The following MACROD2 variants were observed in gnomAD, a reference collection of about 807,000 sequenced individuals.
The protein encoded by MACROD2 is ADP-ribose glycohydrolase MACROD2.
Under a neutral mutation model 70.4 loss-of-function variants are expected in MACROD2, and 36 were observed. The observed-to-expected ratio is 0.51, with a 90% CI of 0.39 to 0.68. The LOEUF (loss-of-function observed/expected upper bound fraction) is 0.68. Ranked by LOEUF, MACROD2 falls within the 30% of genes least tolerant of loss-of-function variation. MACROD2 has a pLI of 0.00. For synonymous variants in MACROD2, 172 were observed against 178.8 expected (o/e 0.96, Z 0.30); for missense variants, 496 against 538.4 (o/e 0.92, Z 0.78).
At chr20:15,031,661 GT>G (rs1385874142) in intron 5 of MACROD2, among the ~76,000 whole-genome samples, 3 of 152,172 alleles carry the variant, frequency 2.0e-5, no homozygotes, top group Non-Finnish European at 4.4e-5. Flanking sequence ...GCAGCTGTTA[GT>G]ACCGTCTGTG....
chr20:14,825,866 AATGGGGATGCCT>A (rs1238242701), intron 5 of MACROD2, among the ~76,000 whole-genome samples: 1 of 152,182 alleles, frequency 6.6e-6, no homozygotes, highest in Admixed American at 6.5e-5. Flanking sequence ...TAGGTTTTCG[AATGGGGATGCCT>A]ATGCACAAAA....
At chr20:14,531,841 G>A (rs1312037320) in intron 4 of MACROD2, among the ~76,000 whole-genome samples, 1 of 152,104 alleles carries the variant, frequency 6.6e-6, no homozygotes, top group East Asian at 1.9e-4. Flanking sequence ...GAAGGTTGAG[G>A]AGCTTCCTCA....
chr20:15,717,624 G>A (rs1270353648), intron 8 of MACROD2, among the ~76,000 whole-genome samples: 2 of 152,184 alleles, frequency 1.3e-5, no homozygotes, highest in East Asian at 3.8e-4. Context: ...CATGAGGAGT[G>A]CCTGCCAGGA....
At chr20:15,621,163 G>A (rs1232141302) in intron 8 of MACROD2, among the ~76,000 whole-genome samples, 5 of 152,160 alleles carry the variant, frequency 3.3e-5, no homozygotes, top group African/African-American at 7.2e-5. Context: ...CTGCATTCAC[G>A]TGATTGGGGT....
At chr20:15,966,841 T>C (rs565298516) in intron 12 of MACROD2, among the ~76,000 whole-genome samples, 1 of 152,210 alleles carries the variant, frequency 6.6e-6, no homozygotes, top group Non-Finnish European at 1.5e-5. Flanking sequence ...ATCATTCCAG[T>C]ACTTTTTAAA....
intron 8 of MACROD2, among the ~76,000 whole-genome samples, chr20:15,808,385 G>A (rs1568572645): frequency 1.3e-5 from 2 of 152,016 alleles, no homozygotes; most frequent in Non-Finnish European, 2.9e-5. Flanking sequence ...ATAAAATGAT[G>A]CCCATAAACC....
intron 15 of MACROD2, among the ~76,000 whole-genome samples, chr20:16,019,401 G>C (rs565937676): frequency 1.2e-4 from 18 of 152,264 alleles, no homozygotes; most frequent in Admixed American, 1.0e-3. Context: ...ATGGGGGTGG[G>C]TTGGATGTTG....
intron 10 of MACROD2, among the ~76,000 whole-genome samples, chr20:15,898,311 A>C (rs1015445714): frequency 1.3e-5 from 2 of 152,116 alleles, no homozygotes; most frequent in African/African-American, 4.8e-5. Flanking sequence ...GCACTTTGGG[A>C]GCCCGAGGCG....
chr20:14,296,404 C>T (rs1264191801), intron 3 of MACROD2, among the ~76,000 whole-genome samples: 1 of 151,872 alleles, frequency 6.6e-6, no homozygotes, highest in Admixed American at 6.6e-5. Flanking sequence ...ACCCAAGTGT[C>T]CATCAGCAAC....
chr20:14,570,844 G>A (rs1388540751), intron 4 of MACROD2, among the ~76,000 whole-genome samples: 2 of 151,902 alleles, frequency 1.3e-5, no homozygotes, highest in Non-Finnish European at 2.9e-5. Flanking sequence ...TTAGAATAAT[G>A]GTCAGTTCAA....
chr20:14,222,564 A>G (rs2081685720), intron 3 of MACROD2, among the ~76,000 whole-genome samples: 1 of 152,032 alleles, frequency 6.6e-6, no homozygotes, highest in Admixed American at 6.6e-5. Flanking sequence ...TACCCTAAAA[A>G]CCCTGATTTC....
At chr20:16,049,475 G>A (rs1055617812) in intron 17 of MACROD2, among the ~76,000 whole-genome samples, 3 of 152,150 alleles carry the variant, frequency 2.0e-5, no homozygotes, top group Admixed American at 1.3e-4. Context: ...TTATTTATAT[G>A]CTGATCCCTG....
At chr20:14,910,136 G>A (rs528555523) in intron 5 of MACROD2, among the ~76,000 whole-genome samples, 5 of 152,164 alleles carry the variant, frequency 3.3e-5, no homozygotes, top group Non-Finnish European at 5.9e-5. Context: ...AATTCATTTA[G>A]TCTACTTCAT....
chr20:15,956,208 A>C (rs972551575), intron 12 of MACROD2, among the ~76,000 whole-genome samples: 3 of 152,152 alleles, frequency 2.0e-5, no homozygotes, highest in African/African-American at 7.2e-5. Context: ...TTTAGTCTTT[A>C]AGCTTTGTTC....
intron 8 of MACROD2, among the ~76,000 whole-genome samples, chr20:15,560,150 A>C (rs1349681507): frequency 1.3e-5 from 2 of 152,130 alleles, no homozygotes; most frequent in East Asian, 3.9e-4. Context: ...CTATCATTTT[A>C]TGCCTGTTCG....
At chr20:14,034,975 G>GGTCTT (rs2053290435) in intron 2 of MACROD2, among the ~76,000 whole-genome samples, 1 of 151,452 alleles carries the variant, frequency 6.6e-6, no homozygotes, top group African/African-American at 2.4e-5. Flanking sequence ...TTTTCTTCTT[G>GGTCTT]GTCTTAATCG....
intron 5 of MACROD2, among the ~76,000 whole-genome samples, chr20:14,877,998 A>C (rs947932760): frequency 6.6e-6 from 1 of 152,116 alleles, no homozygotes; most frequent in Non-Finnish European, 1.5e-5. Flanking sequence ...AGAAGGAGTT[A>C]GGGAAGAGTC....
At chr20:14,103,744 A>G (rs1330602085) in intron 3 of MACROD2, among the ~76,000 whole-genome samples, 2 of 152,204 alleles carry the variant, frequency 1.3e-5, no homozygotes, top group Non-Finnish European at 2.9e-5. Flanking sequence ...GTTTATAAAT[A>G]CAATACTTTT....
chr20:15,471,155 C>G (rs1392560384), intron 7 of MACROD2, among the ~76,000 whole-genome samples: 1 of 152,166 alleles, frequency 6.6e-6, no homozygotes, highest in East Asian at 1.9e-4. Flanking sequence ...TTCCAATTCT[C>G]TTCCAAAACT....
Sources: gnomAD v4.1 joint callset for allele counts (sites outside exome capture counted in the v4.1 genomes callset) on GRCh38, gnomAD v4.1.1 for gene constraint, MANE v1.5 for transcripts, NCBI Gene and HGNC (gene_info 2026-07-23, HGNC 2026-07-21) for gene names.